GREM1: variants seen among roughly 807,000 people sequenced by gnomAD.
The protein encoded by GREM1 is gremlin-1.
A neutral mutation model predicts 13.1 loss-of-function variants in GREM1; 6 were observed. The ratio of observed to expected loss-of-function variants is 0.46; its 90% CI spans 0.25 to 0.91. GREM1 has a LOEUF of 0.91. Ranked by LOEUF, GREM1 falls within the 40% of genes least tolerant of loss-of-function variation. The probability of loss-of-function intolerance (pLI) is 0.18; values close to 1 mark genes in which losing one functional copy is unlikely to be tolerated. For synonymous variants in GREM1, 98 were observed against 93.7 expected (o/e 1.05, Z -0.27); for missense variants, 185 against 233.9 (o/e 0.79, Z 1.36).
intron 1 of GREM1, among the ~76,000 whole-genome samples, chr15:32,720,706 A>C (rs1473867816): frequency 6.6e-6 from 1 of 152,206 alleles, no homozygotes; most frequent in East Asian, 1.9e-4. Context: ...ACATGTGAAC[A>C]TGAAGATACA....
rs2055639401 is a variant in GREM1, at chr15:32,732,553, A to G, written c.*1308A>G. ...CTGGCTAGAGAGTAGTTAGGTGTTA[A>G]TACCTGGTAGAGATGTAAGGGATAT... On this transcript the variant is annotated 3_prime_UTR_variant, in exon 2 of 2. Coordinates refer to ENST00000651154, the MANE Select transcript of GREM1 (RefSeq NM_013372.7). The G allele has an allele frequency of 4.1e-6, 1 of 246,228 alleles. No individual in the cohort carries two copies. The highest frequency in any genetic ancestry group is 8.5e-6 in the Non-Finnish European group (1 of 116,990). 15.3% of individuals were successfully genotyped at this position (246,228 alleles called of 1,614,324 possible).
At chr15:32,718,238 GT>G in intron 1 of GREM1, 77 bp downstream of exon 1, 1 of 1,151,548 alleles carries the variant, frequency 8.7e-7, no homozygotes, top group Non-Finnish European at 1.2e-6. Flanking sequence ...GACCCGCTCA[GT>G]TCCACGCGCG....
At chr15:32,723,011 T>C (rs892536703) in intron 1 of GREM1, among the ~76,000 whole-genome samples, 2 of 152,168 alleles carry the variant, frequency 1.3e-5, no homozygotes, top group Non-Finnish European at 2.9e-5. Flanking sequence ...TTTAGTGATA[T>C]GAGTAGGCCA....
Position 32,738,121 on chromosome 15 carries a change from A to AC in GREM1, c.*6876_*6877insC, listed in dbSNP as rs757668885. The AC allele has an allele frequency of 9.3e-4, 27 of 29,032 alleles. 4 individuals are homozygous for AC. In the South Asian group the frequency reaches 0.049, roughly 53 times the overall value. 1.8% of individuals were successfully genotyped at this position (29,032 alleles called of 1,614,324 possible). On this transcript the variant is annotated 3_prime_UTR_variant, in exon 2 of 2. Coordinates refer to ENST00000651154, the MANE Select transcript of GREM1 (RefSeq NM_013372.7). ...AAAAAAAAAAAAAAAAAAAAAAAAA[A>AC]AAAAAAAAAAAAGAAAAGAAAAAAG... is the stretch of plus-strand genomic sequence containing the variant.
chr15:32,742,661 CA>C lies in GREM1; in HGVS notation c.*11417del, dbSNP rs2140771660. The C allele has an allele frequency of 6.6e-6, 1 of 152,220 alleles. No individual in the cohort carries two copies. The highest frequency in any genetic ancestry group is 2.4e-5 in the African/African-American group (1 of 41,536). 9.4% of individuals were successfully genotyped at this position (152,220 alleles called of 1,614,324 possible). A position where few individuals can be genotyped will look rare whatever the true frequency, so the allele number is the denominator to read the frequency against. Reference sequence around the variant, plus strand: ...TACAGTAATCAAAACAGTATGTTACCAGCATAAAGACAAACACACAGACCAA... The same window carrying C: ...TACAGTAATCAAAACAGTATGTTACCGCATAAAGACAAACACACAGACCAA... On this transcript the variant is annotated 3_prime_UTR_variant, in exon 2 of 2. Coordinates refer to ENST00000651154, the MANE Select transcript of GREM1 (RefSeq NM_013372.7).
chr15:32,720,934 A>T (rs2055395765), intron 1 of GREM1, among the ~76,000 whole-genome samples: 1 of 152,154 alleles, frequency 6.6e-6, no homozygotes, highest in African/African-American at 2.4e-5. Flanking sequence ...AGGAGGACGG[A>T]TCACCTGAGG....
rs896854708 is a variant in GREM1, at chr15:32,741,841, G to T, written c.*10596G>T. ...TATATATGACCTTTATTAGGTTGAG[G>T]TACTTTTCCTCTATTCTTAGTTTAT... On this transcript the variant is annotated 3_prime_UTR_variant, in exon 2 of 2. Coordinates refer to ENST00000651154, the MANE Select transcript of GREM1 (RefSeq NM_013372.7). 1.3e-5 allele frequency: 2 copies of T among 152,032 alleles called. No individual in the cohort carries two copies. The highest frequency in any genetic ancestry group is 1.3e-4 in the Admixed American group (2 of 15,256). The allele number at this position is 152,032 out of a possible 1,614,324, so 9.4% of individuals were successfully genotyped here.
At chr15:32,725,591 G>C (rs887020589) in intron 1 of GREM1, among the ~76,000 whole-genome samples, 4 of 152,166 alleles carry the variant, frequency 2.6e-5, no homozygotes, top group Admixed American at 2.6e-4. Context: ...TAGGTTGCCT[G>C]TTCACTCTGA....
rs2055704504 is a variant in GREM1 at position 32,736,956 on chromosome 15, T to C, written c.*5711T>C. ...TGAGTAATAAATGTTTCATACTCTCTTGGGGTGTGTGTAACATCATCAGTC... is the reference window on the plus strand; with the variant it reads ...TGAGTAATAAATGTTTCATACTCTCCTGGGGTGTGTGTAACATCATCAGTC... On this transcript the variant is annotated 3_prime_UTR_variant, in exon 2 of 2. Coordinates refer to ENST00000651154, the MANE Select transcript of GREM1 (RefSeq NM_013372.7). 1 of 152,324 alleles carries C rather than the reference T, an allele frequency of 6.6e-6. No homozygotes were observed. Among genetic ancestry groups the C allele is most frequent in the African/African-American group, 2.4e-5 (1 of 41,578 alleles). The allele number at this position is 152,324 out of a possible 1,614,324, so 9.4% of individuals were successfully genotyped here.
intron 1 of GREM1, among the ~76,000 whole-genome samples, chr15:32,721,894 A>G (rs917398008): frequency 2.0e-5 from 3 of 152,244 alleles, no homozygotes; most frequent in African/African-American, 4.8e-5. Context: ...TGACCTCAAG[A>G]ATTGTACATA....
rs1261661783 is a variant in GREM1, at chr15:32,735,353, CT to C, written c.*4110del. ...TTCTTTGAATTGTTTCTCACTCAAT[CT>C]TCACGGTAGCTCAGTGAGGTAGGTA... is the stretch of plus-strand genomic sequence containing the variant. On this transcript the variant is annotated 3_prime_UTR_variant, in exon 2 of 2. Coordinates refer to ENST00000651154, the MANE Select transcript of GREM1 (RefSeq NM_013372.7). The C allele has an allele frequency of 6.6e-6, 1 of 152,208 alleles. No homozygotes were observed. Among genetic ancestry groups the C allele is most frequent in the East Asian group, 1.9e-4 (1 of 5,200 alleles). The allele number at this position is 152,208 out of a possible 1,614,324, so 9.4% of individuals were successfully genotyped here.
chr15:32,737,875 C>G lies in GREM1; in HGVS notation c.*6630C>G, dbSNP rs1385016759. The G allele has an allele frequency of 7.4e-6, 1 of 134,348 alleles. No individual in the cohort carries two copies. Among genetic ancestry groups the G allele is most frequent in the African/African-American group, 2.8e-5 (1 of 36,188 alleles). 8.3% of individuals were successfully genotyped at this position (134,348 alleles called of 1,614,324 possible). ...CCCAGGAGGTGGAGGTTCTGGTGAG[C>G]CGAGATCACGCCATTGTACTCCAGC... On this transcript the variant is annotated 3_prime_UTR_variant, in exon 2 of 2. Coordinates refer to ENST00000651154, the MANE Select transcript of GREM1 (RefSeq NM_013372.7).
At position 32,738,652 on chromosome 15, in the gene GREM1, A is replaced by G. The variant is rs2055734770; in HGVS notation, c.*7407A>G. ...TAAAAAAGATTTTAAAAAGTTGGAG[A>G]ACTCACACTTCCTGGTTTCATAACA... is the stretch of plus-strand genomic sequence containing the variant. On this transcript the variant is annotated 3_prime_UTR_variant, in exon 2 of 2. Transcript: ENST00000651154. 1 of 152,210 alleles carries G rather than the reference A, an allele frequency of 6.6e-6. No individual in the cohort carries two copies. Among genetic ancestry groups the G allele is most frequent in the Admixed American group, 6.5e-5 (1 of 15,284 alleles). The allele number at this position is 152,210 out of a possible 1,614,324, so 9.4% of individuals were successfully genotyped here. A position where few individuals can be genotyped will look rare whatever the true frequency, so the allele number is the denominator to read the frequency against.
Position 32,742,968 on chromosome 15 carries a change from T to C in GREM1, c.*11723T>C, listed in dbSNP as rs975443326. ...CATTGCCCTTGGCAATGATTTCATG[T>C]ACATAACAACAAAAGCACAGGTAAT... On this transcript the variant is annotated 3_prime_UTR_variant, in exon 2 of 2. Transcript: ENST00000651154. 3.9e-5 allele frequency: 6 copies of C among 152,198 alleles called. No individual in the cohort carries two copies. Among genetic ancestry groups the C allele is most frequent in the African/African-American group, 1.2e-4 (5 of 41,442 alleles). 9.4% of individuals were successfully genotyped at this position (152,198 alleles called of 1,614,324 possible). A position where few individuals can be genotyped will look rare whatever the true frequency, so the allele number is the denominator to read the frequency against.
rs768170664 is a variant in GREM1 at position 32,730,806 on chromosome 15, C to T, written c.116C>T (p.Ala39Val). The T allele has an allele frequency of 6.2e-7, 1 of 1,613,896 alleles. No homozygotes were observed. Among genetic ancestry groups the T allele is most frequent in the Non-Finnish European group, 8.5e-7 (1 of 1,179,980 alleles). The part of the protein sequence containing the change: ...SQGAIPPPDK[A>V]QHNDSEQTQS... Reference sequence around the variant, plus strand: ...GGTGCCATCCCCCCGCCAGACAAGGCCCAGCACAATGACTCAGAGCAGACT... The same window carrying T: ...GGTGCCATCCCCCCGCCAGACAAGGTCCAGCACAATGACTCAGAGCAGACT... The change falls in exon 2 of 2, where the codon GCC (alanine) becomes GTC (valine). Residue 39 changes from alanine (A) to valine (V), a missense_variant. Ala to Val is a moderately conservative substitution (Grantham distance 64, BLOSUM62 0). Coordinates refer to ENST00000651154, the MANE Select transcript of GREM1 (RefSeq NM_013372.7).
chr15:32,725,819 T>G (rs932072318), intron 1 of GREM1, among the ~76,000 whole-genome samples: 4 of 152,230 alleles, frequency 2.6e-5, no homozygotes, highest in Admixed American at 2.6e-4. Flanking sequence ...TTGTATAAGG[T>G]GTAGGGAAAG....
intron 1 of GREM1, among the ~76,000 whole-genome samples, chr15:32,725,405 C>T (rs1464572731): frequency 1.3e-5 from 2 of 152,146 alleles, no homozygotes; most frequent in East Asian, 3.8e-4. Flanking sequence ...AGCTTTTTCT[C>T]ATATGTTTGC....
At chr15:32,718,243 A>C (rs914386220) in intron 1 of GREM1, 82 bp downstream of exon 1, 1 of 1,112,592 alleles carries the variant, frequency 9.0e-7, no homozygotes, top group African/African-American at 1.6e-5. Context: ...GCTCAGTTCC[A>C]CGCGCGGCAG....
chr15:32,721,348 G>A (rs1286341638), intron 1 of GREM1, among the ~76,000 whole-genome samples: 1 of 152,106 alleles, frequency 6.6e-6, no homozygotes, highest in African/African-American at 2.4e-5. Flanking sequence ...CATAATGCCT[G>A]GCACAGTAAG....
Sources: gnomAD v4.1 joint callset for allele counts (sites outside exome capture counted in the v4.1 genomes callset) on GRCh38, gnomAD v4.1.1 for gene constraint, MANE v1.5 for transcripts, NCBI Gene and HGNC (gene_info 2026-07-23, HGNC 2026-07-21) for gene names.